Variants in ARMC8 observed in about 807,000 individuals in gnomAD.
ARMC8 encodes the protein armadillo repeat containing 8.
ARMC8 carries 20 observed loss-of-function variants against 99.3 expected under a neutral mutation model. That is an observed-to-expected ratio of 0.20 (90% CI 0.14 to 0.29). ARMC8 has a LOEUF of 0.29. ARMC8 is among the 10% of genes least tolerant of loss of function. The pLI is 1.00. For synonymous variants in ARMC8, 263 were observed against 278.3 expected (o/e 0.95, Z 0.55); for missense variants, 569 against 809.5 (o/e 0.70, Z 3.60).
chr3:138,267,872 C>G (rs1270677758), intron 15 of ARMC8, among the ~76,000 whole-genome samples: 1 of 151,988 alleles, frequency 6.6e-6, no homozygotes, highest in African/African-American at 2.4e-5. Flanking sequence ...TTTAGTTGTC[C>G]CATTTGTGTT....
intron 1 of ARMC8, among the ~76,000 whole-genome samples, chr3:138,189,142 G>A (rs1326185866): frequency 6.6e-6 from 1 of 152,090 alleles, no homozygotes; most frequent in African/African-American, 2.4e-5. Context: ...TAATGCATAT[G>A]ATTGAAAGTT....
At chr3:138,242,039 ACTGTTCACAGT>A (rs2046650391) in intron 11 of ARMC8, 56 bp downstream of exon 11, 8 of 1,485,600 alleles carry the variant, frequency 5.4e-6, no homozygotes, top group Non-Finnish European at 4.7e-6. Flanking sequence ...AGTTTTTCTT[ACTGTTCACAGT>A]TTTGAACCAA....
Position 138,245,042 on chromosome 3 carries a change from T to TTGAATTTATGGAC in ARMC8, c.1039-42_1039-30dup. 3 of 1,577,662 alleles carry TTGAATTTATGGAC rather than the reference T, an allele frequency of 1.9e-6. No individual in the cohort carries two copies. In the South Asian group the frequency reaches 3.4e-5, roughly 18 times the overall value. On this transcript the variant is annotated intron_variant, in intron 11 of 21. Coordinates refer to ENST00000469044, the MANE Select transcript of ARMC8 (RefSeq NM_001363941.2). ...TCAACTCAGTTAATGTTATTGAAAG[T>TTGAATTTATGGAC]TGAATTTATGGACTGAGTTGGAACA...
intron 6 of ARMC8, among the ~76,000 whole-genome samples, chr3:138,233,639 G>A (rs1351555822): frequency 3.9e-5 from 6 of 152,184 alleles, no homozygotes; most frequent in Non-Finnish European, 2.9e-5. Context: ...AGAATATGAT[G>A]GTCGTGCTAT....
At chr3:138,188,305 G>T in intron 1 of ARMC8, 1 of 1,083,490 alleles carries the variant, frequency 9.2e-7, no homozygotes, top group Non-Finnish European at 1.3e-6. Flanking sequence ...ATTGAAGGGG[G>T]GAAAAGGGGG....
chr3:138,266,210 C>T (rs1422895480), intron 14 of ARMC8, among the ~76,000 whole-genome samples: 1 of 152,284 alleles, frequency 6.6e-6, no homozygotes, highest in East Asian at 1.9e-4. Context: ...TCTGAATACT[C>T]CTCATTCTCT....
chr3:138,260,684 A>G (rs763888721), intron 12 of ARMC8, among the ~76,000 whole-genome samples: 7 of 152,238 alleles, frequency 4.6e-5, no homozygotes, highest in Non-Finnish European at 5.9e-5. Flanking sequence ...TTAAATGCCT[A>G]TGATTGCTAC....
intron 1 of ARMC8, among the ~76,000 whole-genome samples, chr3:138,205,673 C>T (rs1198751292): frequency 1.3e-5 from 2 of 152,134 alleles, no homozygotes; most frequent in Non-Finnish European, 2.9e-5. Context: ...CATTGTGGCT[C>T]ACGCCTGTAA....
intron 1 of ARMC8, among the ~76,000 whole-genome samples, chr3:138,192,352 A>G: frequency 7.2e-6 from 1 of 139,434 alleles, no homozygotes; most frequent in East Asian, 2.1e-4. Context: ...ATCTCAGCTC[A>G]CTGCAAGCTC....
chr3:138,199,555 T>C (rs945572988), intron 1 of ARMC8, among the ~76,000 whole-genome samples: 9 of 152,202 alleles, frequency 5.9e-5, no homozygotes, highest in Admixed American at 3.9e-4. Context: ...TTTTGTCTAA[T>C]AGTGAAATTA....
chr3:138,270,154 A>G (rs778493944), intron 16 of ARMC8, 22 bp downstream of exon 16: 1 of 1,489,686 alleles, frequency 6.7e-7, no homozygotes, highest in Non-Finnish European at 9.4e-7. Flanking sequence ...TTTTATATAT[A>G]TCATAACTTA....
intron 1 of ARMC8, chr3:138,188,417 G>T: frequency 6.7e-7 from 1 of 1,494,986 alleles, no homozygotes; most frequent in Admixed American, 2.2e-5. Context: ...TAAAGAAAAA[G>T]ACGACTTTCA....
chr3:138,235,012 G>A (rs183648358), intron 6 of ARMC8, 22 bp from the exon 7 acceptor site: 22 of 1,590,402 alleles, frequency 1.4e-5, no homozygotes, highest in Non-Finnish European at 1.9e-5. Flanking sequence ...TAAATATATT[G>A]TTGTATTCTT....
rs750655906 is a variant in ARMC8, at chr3:138,270,072, T to C, written c.1419T>C (p.Leu473=). The change falls in exon 16 of 22, where the codon CTT becomes CTC. Residue 473 remains leucine (L), a synonymous_variant. Coordinates refer to ENST00000469044, the MANE Select transcript of ARMC8 (RefSeq NM_001363941.2). ...PILESGAVEL[L]CGLTQSENPA... ...TGGAATCAGGAGCCGTAGAGCTACT[T>C]TGTGGATTAACTCAGAGTGAAAATC... The C allele has an allele frequency of 2.6e-5, 42 of 1,613,562 alleles. No homozygotes were observed. Among genetic ancestry groups the C allele is most frequent in the Non-Finnish European group, 3.6e-5 (42 of 1,179,752 alleles).
chr3:138,268,584 CG>C, intron 15 of ARMC8, among the ~76,000 whole-genome samples: 1 of 152,138 alleles, frequency 6.6e-6, no homozygotes, highest in African/African-American at 2.4e-5. Context: ...AACTCCCAAC[CG>C]GGGCAACATA....
At chr3:138,246,782 C>G (rs2046900665) in intron 12 of ARMC8, 2 of 984,080 alleles carry the variant, frequency 2.0e-6, no homozygotes, top group South Asian at 4.7e-5. Flanking sequence ...AATCAGTAGT[C>G]TATTAAAACT....
At chr3:138,252,815 C>G (rs1422536018) in intron 12 of ARMC8, among the ~76,000 whole-genome samples, 2 of 143,692 alleles carry the variant, frequency 1.4e-5, no homozygotes, top group Non-Finnish European at 3.0e-5. Flanking sequence ...TACCAAACTT[C>G]GCATATGCCT....
intron 21 of ARMC8, among the ~76,000 whole-genome samples, chr3:138,294,915 T>G (rs1447030557): frequency 6.6e-6 from 1 of 151,684 alleles, no homozygotes; most frequent in East Asian, 1.9e-4. Context: ...TTTTTTTTTT[T>G]GAGATGGAGT....
In ARMC8 at chr3:138,216,045, AT is replaced by A. The variant is rs755521341; in HGVS notation, c.123-5859del. Among the ~76,000 whole-genome samples, 370 of 128,520 alleles carry A rather than the reference AT, an allele frequency of 2.9e-3. 1 individual carries two copies. The highest frequency in any genetic ancestry group is 3.3e-3 in the African/African-American group (114 of 35,008). The allele number at this position is 128,520 out of a possible 152,430, so 84.3% of individuals were successfully genotyped here. ...TACTGCATGCCACCATGCCCAGCTA[AT>A]TTTTTTTTTTTTTTTTTTTTTAAGT... On this transcript the variant is annotated intron_variant, in intron 2 of 21. Transcript: ENST00000469044.
Sources: gnomAD v4.1 joint callset for allele counts (sites outside exome capture counted in the v4.1 genomes callset) on GRCh38, gnomAD v4.1.1 for gene constraint, MANE v1.5 for transcripts, NCBI Gene and HGNC (gene_info 2026-07-23, HGNC 2026-07-21) for gene names.